ALDH18A1: variants seen among roughly 807,000 people sequenced by gnomAD.
ALDH18A1 encodes aldehyde dehydrogenase 18 family member A1.
A neutral mutation model predicts 88.8 loss-of-function variants in ALDH18A1; 44 were observed. The ratio of observed to expected loss-of-function variants is 0.50; its 90% confidence interval spans 0.39 to 0.64. The LOEUF is 0.64. ALDH18A1 is among the 30% of genes least tolerant of loss of function. The pLI is 0.00. For synonymous variants in ALDH18A1, 331 were observed against 372.1 expected, an observed-to-expected ratio of 0.89 and a Z score of 1.27; for missense variants, 782 against 1,009.5, an observed-to-expected ratio of 0.77 and a Z score of 3.05.
At chr10:95,617,104 G>A (rs529369440) in intron 12 of ALDH18A1, among the ~76,000 whole-genome samples, 8 of 152,260 alleles carry the variant, frequency 5.3e-5, no homozygotes, top group South Asian at 2.1e-4. Flanking sequence ...AAAATTAGCC[G>A]GGCATGGTGG....
intron 13 of ALDH18A1, among the ~76,000 whole-genome samples, chr10:95,615,560 T>A (rs373104946): frequency 6.6e-6 from 1 of 152,094 alleles, no homozygotes; most frequent in African/African-American, 2.4e-5. Flanking sequence ...ATGTTACACA[T>A]CAATAGGAAG....
rs757102092 is a variant in ALDH18A1 at position 95,610,283 on chromosome 10, G to C, written c.2120C>G (p.Ala707Gly). The C allele has an allele frequency of 6.2e-7, 1 of 1,613,950 alleles. No homozygotes were observed. Among genetic ancestry groups the C allele is most frequent in the South Asian group, 1.1e-5 (1 of 91,074 alleles). ...DVIVTEDENT[A>G]EFFLQHVDSA... is the part of the protein sequence containing the mutation. ...GTCTACGTGCTGCAGGAAGAACTCC[G>C]CTGTGTTTTCTGCAGGGTGAAGAAG... Residue 707 changes from alanine to glycine, a missense_variant, in exon 17 of 18, where the codon GCG (alanine) becomes GGG (glycine). Around this residue, in one of 3 missense-constraint regions of ALDH18A1, gnomAD observed 556 missense variants for 654.5 expected, o/e 0.85. Coordinates refer to ENST00000371224, the MANE Select transcript of ALDH18A1 (RefSeq NM_002860.4).
chr10:95,650,994 C>T (rs113677488), intron 2 of ALDH18A1, among the ~76,000 whole-genome samples: 8 of 152,112 alleles, frequency 5.3e-5, no homozygotes, highest in African/African-American at 1.9e-4. Flanking sequence ...ACTGGCTGGG[C>T]ATGGTGGTGG....
intron 7 of ALDH18A1, 193 bp from the exon 8 acceptor site, chr10:95,628,685 C>G: frequency 1.6e-6 from 1 of 625,980 alleles, no homozygotes; most frequent in Non-Finnish European, 2.8e-6. Flanking sequence ...ACTCACCTTA[C>G]ATTATTTCTA....
chr10:95,606,885 C>CT lies in ALDH18A1; in HGVS notation c.2264dup (p.Leu757ThrfsTer5). 1 of 1,614,196 alleles carries CT rather than the reference C, an allele frequency of 6.2e-7. No homozygotes were observed. Among genetic ancestry groups the CT allele is most frequent in the South Asian group, 1.1e-5 (1 of 91,082 alleles). Reference sequence around the variant, plus strand: ...GCAGCCACTTAGTAGTAAGCAGTCCCTCAAGTCCTACTGGTCCCCGGGCGT... The same window carrying CT: ...GCAGCCACTTAGTAGTAAGCAGTCCCTTCAAGTCCTACTGGTCCCCGGGCGT... On this transcript the variant is annotated frameshift_variant, in exon 18 of 18. Transcript: ENST00000371224. LOFTEE classifies it high-confidence loss of function.
chr10:95,619,585 C>G (rs2097849046), intron 12 of ALDH18A1, among the ~76,000 whole-genome samples: 1 of 152,016 alleles, frequency 6.6e-6, no homozygotes, highest in Admixed American at 6.6e-5. Context: ...GGTACCAAAA[C>G]AGAGAGATAG....
At chr10:95,647,807 T>C (rs2097903645) in intron 2 of ALDH18A1, among the ~76,000 whole-genome samples, 1 of 152,258 alleles carries the variant, frequency 6.6e-6, no homozygotes, top group Non-Finnish European at 1.5e-5. Flanking sequence ...GCTTCAATCA[T>C]GCCTATCCAA....
intron 17 of ALDH18A1, among the ~76,000 whole-genome samples, chr10:95,607,154 G>C (rs1175199350): frequency 2.0e-5 from 3 of 152,164 alleles, no homozygotes; most frequent in African/African-American, 7.2e-5. Flanking sequence ...TCGTGAAACA[G>C]TGTGTGGACT....
At chr10:95,619,764 T>G (rs569899787) in intron 12 of ALDH18A1, among the ~76,000 whole-genome samples, 34 of 152,316 alleles carry the variant, frequency 2.2e-4, no homozygotes, top group African/African-American at 7.7e-4. Context: ...GATCCCTTCC[T>G]TACACCTTAT....
chr10:95,647,288 G>C (rs931364764), intron 2 of ALDH18A1, among the ~76,000 whole-genome samples: 1 of 152,198 alleles, frequency 6.6e-6, no homozygotes. Context: ...AAAAGGACAA[G>C]TGTTGGCTCT....
At position 95,606,699 on chromosome 10, in the gene ALDH18A1, CTGAGA is replaced by C; in HGVS notation, c.*58_*62del. 6.2e-7 allele frequency: 1 copy of C among 1,613,326 alleles called. No individual in the cohort carries two copies. The highest frequency in any genetic ancestry group is 1.3e-5 in the African/African-American group (1 of 75,052). On this transcript the variant is annotated 3_prime_UTR_variant, in exon 18 of 18. Coordinates refer to ENST00000371224, the MANE Select transcript of ALDH18A1 (RefSeq NM_002860.4). ...CTGGGAGACAAGAGCGGGCTCTCTCCTGAGATAAGACAAGTTTAACGTGAAGACCT... is the reference window on the plus strand; with the variant it reads ...CTGGGAGACAAGAGCGGGCTCTCTCCTAAGACAAGTTTAACGTGAAGACCT...
At chr10:95,608,977 G>A (rs1054448236) in intron 17 of ALDH18A1, among the ~76,000 whole-genome samples, 1 of 152,216 alleles carries the variant, frequency 6.6e-6, no homozygotes, top group African/African-American at 2.4e-5. Context: ...CCAGGTTCAA[G>A]CGATTCTCCT....
chr10:95,624,505 T>G (rs192113756), intron 11 of ALDH18A1, among the ~76,000 whole-genome samples: 9 of 152,316 alleles, frequency 5.9e-5, no homozygotes, highest in Admixed American at 4.6e-4. Context: ...GAAAGTAACG[T>G]TGAACCGTGC....
chr10:95,648,836 A>T (rs2097905279), intron 2 of ALDH18A1, among the ~76,000 whole-genome samples: 1 of 152,218 alleles, frequency 6.6e-6, no homozygotes, highest in South Asian at 2.1e-4. Flanking sequence ...ACCACTGTGC[A>T]GCTGAGCCCA....
intron 12 of ALDH18A1, among the ~76,000 whole-genome samples, 159 bp downstream of exon 12, chr10:95,620,872 T>C (rs1226137647): frequency 6.7e-6 from 1 of 150,308 alleles, no homozygotes. Flanking sequence ...CAAACCAATA[T>C]GGCACATGTA....
At chr10:95,629,172 T>C (rs536029859) in intron 7 of ALDH18A1, among the ~76,000 whole-genome samples, 1 of 152,262 alleles carries the variant, frequency 6.6e-6, no homozygotes, top group South Asian at 2.1e-4. Context: ...ACAATTTCAC[T>C]TTGAAAAAGA....
intron 1 of ALDH18A1, among the ~76,000 whole-genome samples, chr10:95,655,058 T>C (rs2097915752): frequency 1.3e-5 from 2 of 152,152 alleles, no homozygotes; most frequent in Non-Finnish European, 2.9e-5. Flanking sequence ...ACAAGGCCTT[T>C]GAAGTTGGTC....
At chr10:95,610,109 G>A in intron 17 of ALDH18A1, 88 bp downstream of exon 17, 1 of 1,233,186 alleles carries the variant, frequency 8.1e-7, no homozygotes, top group Non-Finnish European at 1.2e-6. Flanking sequence ...GACAGTCAAG[G>A]GGAGGTGTCT....
chr10:95,641,905 G>A (rs916179041), intron 3 of ALDH18A1, among the ~76,000 whole-genome samples: 8 of 152,090 alleles, frequency 5.3e-5, no homozygotes, highest in African/African-American at 1.9e-4. Flanking sequence ...GCCTTCCAAA[G>A]CGCTGGGATT....
Sources: allele counts gnomAD v4.1 joint callset (sites outside exome capture counted in the v4.1 genomes callset), GRCh38; gene constraint gnomAD v4.1.1; regional missense constraint gnomAD v4.1.1; transcripts MANE v1.5; gene names NCBI Gene and HGNC (gene_info 2026-07-23, HGNC 2026-07-21).